Variants in ARHGEF2 observed in about 807,000 individuals in gnomAD.
The protein encoded by ARHGEF2 is Rho/Rac guanine nucleotide exchange factor 2.
In ARHGEF2, 22 loss-of-function variants were observed where a neutral mutation model predicts 121.0. The observed-to-expected ratio is 0.18, with a 90% CI of 0.13 to 0.26. ARHGEF2 has a LOEUF of 0.26. Ranked by LOEUF, ARHGEF2 falls within the 10% of genes least tolerant of loss-of-function variation. The pLI, the probability that ARHGEF2 is intolerant of heterozygous loss-of-function variation, is 1.00. For synonymous variants in ARHGEF2, 487 were observed against 530.0 expected, an observed-to-expected ratio of 0.92 and a Z score of 1.11; for missense variants, 907 against 1,336.0, an observed-to-expected ratio of 0.68 and a Z score of 5.01.
At chr1:155,956,902 A>AAG (rs1307217489) in intron 13 of ARHGEF2, among the ~76,000 whole-genome samples, 1 of 151,026 alleles carries the variant, frequency 6.6e-6, no homozygotes, top group Non-Finnish European at 1.5e-5. Context: ...AAAAAAAAAA[A>AAG]AAAAAAAAAT....
chr1:155,963,083 C>A lies in ARHGEF2; in HGVS notation c.825G>T (p.Val275=). Residue 275 remains valine, a synonymous_variant, in exon 8 of 22, where the codon GTG becomes GTT. Transcript: ENST00000361247. ...MLEELHLEPG[V]VQGLFPCVDE... Reference sequence around the variant, plus strand: ...CCACGCAGGGGAACAGGCCCTGGACCACTCCTGGCTCCAAGTGTAGCTCTT... The same window carrying A: ...CCACGCAGGGGAACAGGCCCTGGACAACTCCTGGCTCCAAGTGTAGCTCTT... 1 of 1,614,106 alleles carries A rather than the reference C, an allele frequency of 6.2e-7. No homozygotes were observed. The highest frequency in any genetic ancestry group is 1.1e-5 in the South Asian group (1 of 91,086).
chr1:155,965,089 T>C lies in ARHGEF2; in HGVS notation c.623A>G (p.Asp208Gly), dbSNP rs1679093951. 2 of 1,614,092 alleles carry C rather than the reference T, an allele frequency of 1.2e-6. No individual in the cohort carries two copies. Among genetic ancestry groups the C allele is most frequent in the Non-Finnish European group, 1.7e-6 (2 of 1,180,020 alleles). The change falls in exon 7 of 22, where the codon GAT becomes GGT. Residue 208 changes from aspartate to glycine, a missense_variant. By Grantham distance (94) the Asp-to-Gly change is moderately conservative (BLOSUM62 -1). Around this residue, in one of 2 missense-constraint regions of ARHGEF2, gnomAD observed 475 missense variants for 776.5 expected, o/e 0.61. Coordinates refer to ENST00000361247, the MANE Select transcript of ARHGEF2 (RefSeq NM_001162383.2). This position sits in a 1 kb window ranked among gnomAD's most constrained non-coding sequence, Gnocchi z 6.0. ...YSELMSDFEM[D>G]EKDFAADSWS... is the part of the protein sequence containing the mutation. ...AGAGTCAGCTGCAAAGTCCTTCTCA[T>C]CCATCTCAAAGTCACTCATCAGCTC...
At position 155,950,181 on chromosome 1, in the gene ARHGEF2, C is replaced by A; in HGVS notation, c.2887+118G>T. ...CATCATCAGACAAAACAGGAAGTCC[C>A]TCCCTAGAGTTACTACAAGCCTCAC... On this transcript the variant is annotated intron_variant, in intron 21 of 21. Coordinates refer to ENST00000361247, the MANE Select transcript of ARHGEF2 (RefSeq NM_001162383.2). The surrounding 1 kb of genome is among the most constrained non-coding windows in gnomAD (Gnocchi z 5.2). 7.8e-7 allele frequency: 1 copy of A among 1,275,692 alleles called. No individual in the cohort carries two copies. The highest frequency in any genetic ancestry group is 1.4e-5 in the South Asian group (1 of 71,312). 79.0% of individuals were successfully genotyped at this position (1,275,692 alleles called of 1,614,324 possible). A position where few individuals can be genotyped will look rare whatever the true frequency, so the allele number is the denominator to read the frequency against.
chr1:155,964,970 A>G lies in ARHGEF2; in HGVS notation c.724+18T>C. The G allele has an allele frequency of 6.2e-7, 1 of 1,610,870 alleles. No individual in the cohort carries two copies. Among genetic ancestry groups the G allele is most frequent in the Non-Finnish European group, 8.5e-7 (1 of 1,177,974 alleles). The stretch of plus-strand genomic sequence containing the variant: ...GACCTGGTGAAGGAAGAGGAAGACT[A>G]GGGTGGTCTTGGCTTACCATAGATG... On this transcript the variant is annotated intron_variant, in intron 7 of 21. Coordinates refer to ENST00000361247, the MANE Select transcript of ARHGEF2 (RefSeq NM_001162383.2).
chr1:155,963,009 C>T lies in ARHGEF2; in HGVS notation c.899G>A (p.Arg300His). 1.2e-6 allele frequency: 2 copies of T among 1,614,156 alleles called. No individual in the cohort carries two copies. The highest frequency in any genetic ancestry group is 1.7e-6 in the Non-Finnish European group (2 of 1,180,040). The change falls in exon 8 of 22, where the codon CGC becomes CAC. Residue 300 changes from arginine (R) to histidine (H), a missense_variant. Physicochemically the swap from Arg to His is conservative, Grantham distance 29. Around this residue, in one of 2 missense-constraint regions of ARHGEF2, gnomAD observed 475 missense variants for 776.5 expected, o/e 0.61. Transcript: ENST00000361247. ...HTRFLSQLLE[R>H]RRQALCPGST... is the part of the protein sequence containing the mutation. ...GCCAGGGCACAGGGCCTGGCGTCGG[C>T]GTTCTAATAGCTGGCTGAGGAAGCG...
chr1:155,964,922 T>C (rs878880082), intron 7 of ARHGEF2, 66 bp downstream of exon 7: 1 of 1,360,222 alleles, frequency 7.4e-7, no homozygotes, highest in Non-Finnish European at 9.8e-7. Context: ...AAAAGAAAAA[T>C]AAAGAAGGAA....
chr1:155,978,559 C>T, upstream of ARHGEF2: 1 of 1,264,760 alleles, frequency 7.9e-7, no homozygotes. The surrounding 1 kb of genome is among the most constrained non-coding windows in gnomAD (Gnocchi z 4.1). Flanking sequence ...CCTCGCCCGG[C>T]ACCCAGCACC....
At chr1:155,966,323 TG>T in intron 4 of ARHGEF2, 92 bp downstream of exon 4, 1 of 1,291,058 alleles carries the variant, frequency 7.7e-7, no homozygotes. Context: ...GTGCTATGCC[TG>T]GGAACAACCT....
chr1:155,947,109 CG>C lies in ARHGEF2; in HGVS notation c.*832del. The C allele has an allele frequency of 2.9e-6, 1 of 345,582 alleles. No individual in the cohort carries two copies. The highest frequency in any genetic ancestry group is 5.7e-6 in the Non-Finnish European group (1 of 175,340). The allele number at this position is 345,582 out of a possible 1,614,324, so 21.4% of individuals were successfully genotyped here. A position where few individuals can be genotyped will look rare whatever the true frequency, so the allele number is the denominator to read the frequency against. On this transcript the variant is annotated 3_prime_UTR_variant, in exon 22 of 22. Coordinates refer to ENST00000361247, the MANE Select transcript of ARHGEF2 (RefSeq NM_001162383.2). ...GGGAAGAGGTCAGTATAGGTCCCCC[CG>C]TTACTGCAGATGAAGGCAGAAGTCA...
In ARHGEF2 at chr1:155,957,700, G is replaced by A. The variant is rs1176416291; in HGVS notation, c.1715+13C>T. 6.2e-7 allele frequency: 1 copy of A among 1,602,356 alleles called. No individual in the cohort carries two copies. The highest frequency in any genetic ancestry group is 8.5e-7 in the Non-Finnish European group (1 of 1,174,586). On this transcript the variant is annotated intron_variant, in intron 13 of 21. Transcript: ENST00000361247. The stretch of plus-strand genomic sequence containing the variant: ...AGGTCATAAGCACATGCAGGCGGCA[G>A]GCAGACACTCACGTGCGCACGCTCT...
Position 155,962,257 on chromosome 1 carries a change from G to T in ARHGEF2, c.1102-35C>A. The T allele has an allele frequency of 6.3e-7, 1 of 1,597,128 alleles. No homozygotes were observed. Among genetic ancestry groups the T allele is most frequent in the South Asian group, 1.1e-5 (1 of 90,644 alleles). On this transcript the variant is annotated intron_variant, in intron 9 of 21. Transcript: ENST00000361247. The surrounding 1 kb of genome is among the most constrained non-coding windows in gnomAD (Gnocchi z 5.8). ...AGGAGGCAGGGCTCAGGGCCAGAGGGGAGGGCAACAGAAAGGCCTGGGGCC... is the reference window on the plus strand; with the variant it reads ...AGGAGGCAGGGCTCAGGGCCAGAGGTGAGGGCAACAGAAAGGCCTGGGGCC...
chr1:155,971,202 G>C, intron 1 of ARHGEF2: 1 of 735,000 alleles, frequency 1.4e-6, no homozygotes, highest in Non-Finnish European at 1.7e-6. Context: ...TTCTATTCTG[G>C]CACCTACCTA....
At chr1:155,970,130 G>A (rs1572180030) in intron 1 of ARHGEF2, 3 of 985,258 alleles carry the variant, frequency 3.0e-6, no homozygotes, top group African/African-American at 1.7e-5. Flanking sequence ...AAACCTAGGA[G>A]AGTTTCCTCT....
chr1:155,958,169 G>A, intron 12 of ARHGEF2, 151 bp downstream of exon 12: 1 of 678,092 alleles, frequency 1.5e-6, no homozygotes, highest in Non-Finnish European at 2.6e-6. Flanking sequence ...GTACCTGTGA[G>A]CTGCTCTTAT....
chr1:155,947,851 G>T lies in ARHGEF2; in HGVS notation c.*91C>A. 1.4e-6 allele frequency: 1 copy of T among 709,718 alleles called. No individual in the cohort carries two copies. Among genetic ancestry groups the T allele is most frequent in the Non-Finnish European group, 2.4e-6 (1 of 420,892 alleles). The allele number at this position is 709,718 out of a possible 1,614,324, so 44.0% of individuals were successfully genotyped here. The stretch of plus-strand genomic sequence containing the variant: ...AGGACAATTTGCAGTTCTTTCAAAT[G>T]TTCCCTCATCATTGGCAAATTGGAG... On this transcript the variant is annotated 3_prime_UTR_variant, in exon 22 of 22. Transcript: ENST00000361247.
At chr1:155,954,498 C>T (rs1377336596) in intron 14 of ARHGEF2, among the ~76,000 whole-genome samples, 1 of 149,754 alleles carries the variant, frequency 6.7e-6, no homozygotes, top group Non-Finnish European at 1.5e-5. Context: ...CCGTGTTAGC[C>T]AGGATGGTCT....
At chr1:155,969,105 A>G (rs199677753) in intron 2 of ARHGEF2, 51 bp downstream of exon 2, 173 of 1,602,794 alleles carry the variant, frequency 1.1e-4, no homozygotes, top group Non-Finnish European at 1.4e-4. Context: ...TGAAAAGATC[A>G]GGGTCAGTGG....
chr1:155,969,618 C>A (rs768370082), intron 1 of ARHGEF2: 33 of 1,194,570 alleles, frequency 2.8e-5, no homozygotes, highest in Non-Finnish European at 3.4e-5. Flanking sequence ...CTTCCCAGCC[C>A]TAGCTCTGCT....
intron 1 of ARHGEF2, among the ~76,000 whole-genome samples, chr1:155,974,854 G>GA (rs925843708): frequency 1.3e-5 from 2 of 151,632 alleles, no homozygotes; most frequent in African/African-American, 4.8e-5. Context: ...AGAAAGAGAG[G>GA]GGGGGTAAGC....
Sources: gnomAD v4.1 joint callset for allele counts (sites outside exome capture counted in the v4.1 genomes callset) on GRCh38, gnomAD v4.1.1 for gene constraint, gnomAD v4.1.1 regional missense constraint, Gnocchi (gnomAD v3.1) non-coding constraint, MANE v1.5 for transcripts, NCBI Gene and HGNC (gene_info 2026-07-23, HGNC 2026-07-21) for gene names.